PKD1L3: variants seen among roughly 807,000 people sequenced by gnomAD.
PKD1L3 encodes polycystin 1 like 3, transient receptor potential channel interacting.
In PKD1L3, 239 loss-of-function variants were observed where a neutral mutation model predicts 184.1. That is an observed-to-expected ratio of 1.30 (90% CI 1.17 to 1.45). The LOEUF (loss-of-function observed/expected upper bound fraction) is 1.45. Among genes scored for constraint, PKD1L3 ranks in the 40% most tolerant of loss-of-function variants. The pLI is 0.00. For synonymous variants in PKD1L3, 996 were observed against 778.8 expected (o/e 1.28, Z -4.64); for missense variants, 2,660 against 2,067.2 (o/e 1.29, Z -5.56).
At chr16:71,990,527 G>C (rs1490267267) in intron 3 of PKD1L3, among the ~76,000 whole-genome samples, 198 bp from the exon 4 acceptor site, 1 of 152,174 alleles carries the variant, frequency 6.6e-6, no homozygotes, top group African/African-American at 2.4e-5. Flanking sequence ...GAGGTCAGGA[G>C]TTTGAGACCA....
intron 11 of PKD1L3, among the ~76,000 whole-genome samples, chr16:71,976,320 A>C (rs1411182834): frequency 7.7e-6 from 1 of 130,692 alleles, no homozygotes; most frequent in African/African-American, 2.9e-5. Flanking sequence ...CAATGGTGCG[A>C]TCTTGGCTCA....
Position 71,969,904 on chromosome 16 carries a change from G to A in PKD1L3, c.2155C>T (p.Arg719Trp), listed in dbSNP as rs760499234. Residue 719 changes from arginine (R) to tryptophan (W), a missense_variant, in exon 13 of 30, where the codon CGG becomes TGG. Transcript: ENST00000620267. ...GFYVITVVWA[R>W]KKDQADMQKV... ...TGCATATCTGCTTGATCCTTTTTCCGAGCCCACACAACTGTGATCACATAA... is the reference window on the plus strand; with the variant it reads ...TGCATATCTGCTTGATCCTTTTTCCAAGCCCACACAACTGTGATCACATAA... 9.0e-6 allele frequency: 14 copies of A among 1,548,976 alleles called. No individual in the cohort carries two copies. The highest frequency in any genetic ancestry group is 2.0e-5 in the Admixed American group (1 of 50,636).
chr16:71,993,236 G>T lies in PKD1L3; in HGVS notation c.515C>A (p.Ala172Glu). ...HKKTKRGVAI[A>E]RDKMPPGPGH... ...ATTACCTGGGGGCATTTTGTCTCTT[G>T]CTATTGCAACTCCTCTTTTTGTCTT... The change falls in exon 3 of 30, where the codon GCA becomes GAA. Residue 172 changes from alanine to glutamate, a missense_variant. Transcript: ENST00000620267. 6.5e-7 allele frequency: 1 copy of T among 1,548,286 alleles called. No homozygotes were observed. The highest frequency in any genetic ancestry group is 8.7e-7 in the Non-Finnish European group (1 of 1,145,280).
intron 16 of PKD1L3, among the ~76,000 whole-genome samples, chr16:71,954,588 A>T (rs1431575579): frequency 1.3e-5 from 2 of 152,228 alleles, no homozygotes; most frequent in African/African-American, 4.8e-5. Context: ...TTTTAGCTTT[A>T]TAAGAGTTTT....
chr16:71,959,599 A>G (rs2039192855), intron 16 of PKD1L3, among the ~76,000 whole-genome samples: 1 of 152,176 alleles, frequency 6.6e-6, no homozygotes, highest in Non-Finnish European at 1.5e-5. Flanking sequence ...ATTGGGAGAG[A>G]GGTTACTCAA....
At chr16:71,982,672 C>G (rs564561063) in intron 6 of PKD1L3, among the ~76,000 whole-genome samples, 2 of 152,258 alleles carry the variant, frequency 1.3e-5, no homozygotes, top group East Asian at 3.9e-4. Context: ...TCATGCCTCA[C>G]TGCAGCCTCG....
intron 11 of PKD1L3, among the ~76,000 whole-genome samples, chr16:71,974,464 G>A (rs762746893): frequency 1.4e-4 from 22 of 152,116 alleles, no homozygotes; most frequent in Non-Finnish European, 2.8e-4. Context: ...AGGATTATTT[G>A]AGCCCAGGAG....
chr16:71,951,681 G>T lies in PKD1L3; in HGVS notation c.3073C>A (p.Gln1025Lys), dbSNP rs1486554143. Residue 1025 changes from glutamine (Q) to lysine (K), a missense_variant, in exon 19 of 30, where the codon CAG becomes AAG. Coordinates refer to ENST00000620267, the MANE Select transcript of PKD1L3 (RefSeq NM_181536.2). ...RNTYLLSKCE[Q>K]PPWSSWDITK... is the part of the protein sequence containing the mutation. ...ATGTCCCAAGAACTCCATGGCGGCT[G>T]CTCACACTTGGAGAGTAGGTATGTA... 6.4e-7 allele frequency: 1 copy of T among 1,551,512 alleles called. No individual in the cohort carries two copies. Among genetic ancestry groups the T allele is most frequent in the Non-Finnish European group, 8.7e-7 (1 of 1,146,924 alleles).
chr16:71,947,347 G>A (rs1035423193), intron 22 of PKD1L3, 145 bp downstream of exon 22: 4 of 604,314 alleles, frequency 6.6e-6, no homozygotes, highest in African/African-American at 1.8e-5. Flanking sequence ...CATCTGGAAG[G>A]GCATTAGTCT....
At chr16:71,964,714 T>C (rs958374308) in intron 15 of PKD1L3, among the ~76,000 whole-genome samples, 1 of 152,004 alleles carries the variant, frequency 6.6e-6, no homozygotes, top group African/African-American at 2.4e-5. Context: ...CTATCCCTCC[T>C]TCCAGTCACC....
intron 21 of PKD1L3, among the ~76,000 whole-genome samples, chr16:71,948,971 A>G (rs1350009308): frequency 6.6e-6 from 1 of 152,034 alleles, no homozygotes; most frequent in Non-Finnish European, 1.5e-5. Context: ...TTCCATATCT[A>G]AAAGATACAG....
chr16:71,997,218 C>T (rs77445015), intron 2 of PKD1L3, among the ~76,000 whole-genome samples: 5,990 of 152,094 alleles, frequency 0.039, 365 homozygotes, highest in African/African-American at 0.14. Flanking sequence ...CATAGTTTTA[C>T]GTGAGCACAG....
At chr16:71,979,469 G>A (rs139987970) in intron 9 of PKD1L3, among the ~76,000 whole-genome samples, 81 of 121,348 alleles carry the variant, frequency 6.7e-4, no homozygotes, top group South Asian at 1.1e-3. Flanking sequence ...AACAAAACAA[G>A]ACAAAACAAA....
At chr16:71,998,736 C>T (rs574495521) in intron 1 of PKD1L3, among the ~76,000 whole-genome samples, 2 of 152,082 alleles carry the variant, frequency 1.3e-5, no homozygotes, top group Admixed American at 6.5e-5. Context: ...CAGGCGTGAG[C>T]CACCACACCC....
intron 6 of PKD1L3, among the ~76,000 whole-genome samples, chr16:71,983,025 G>A (rs767705289): frequency 2.0e-5 from 3 of 152,198 alleles, no homozygotes; most frequent in Non-Finnish European, 4.4e-5. Context: ...ACCTATAAGG[G>A]AGGATTCATA....
rs755724900 is a variant in PKD1L3 at position 71,942,747 on chromosome 16, G to T, written c.4137C>A (p.Asp1379Glu). 6.4e-7 allele frequency: 1 copy of T among 1,551,510 alleles called. No homozygotes were observed. The highest frequency in any genetic ancestry group is 1.4e-5 in the African/African-American group (1 of 73,010). The change falls in exon 24 of 30, where the codon GAC becomes GAA. Residue 1379 changes from aspartate to glutamate, a missense_variant. Physicochemically the swap from Asp to Glu is conservative, Grantham distance 45. Coordinates refer to ENST00000620267, the MANE Select transcript of PKD1L3 (RefSeq NM_181536.2). ...TATCACAAAACGCCAGCTGACCTTC[G>T]TCCACTTTCTCATAGGTCTTGGTAC... ...IPRTKTYEKV[D>E]EGQLAFCDNG...
intron 11 of PKD1L3, among the ~76,000 whole-genome samples, chr16:71,976,171 C>G (rs1052592944): frequency 2.6e-5 from 4 of 151,424 alleles, no homozygotes; most frequent in African/African-American, 9.7e-5. Context: ...TAGTCTTAAA[C>G]TCCTGACCTA....
intron 26 of PKD1L3, 73 bp from the exon 27 acceptor site, chr16:71,934,198 C>A (rs939804258): frequency 4.9e-6 from 7 of 1,415,600 alleles, no homozygotes; most frequent in African/African-American, 1.4e-5. Context: ...AGCGCCCCTG[C>A]TGCTGATCGT....
At chr16:71,951,166 C>T (rs1452430528) in intron 19 of PKD1L3, among the ~76,000 whole-genome samples, 5 of 151,710 alleles carry the variant, frequency 3.3e-5, no homozygotes, top group Non-Finnish European at 7.4e-5. Context: ...CAGCCTCCCC[C>T]GTAGCTGGGA....
Sources: allele counts gnomAD v4.1 joint callset (sites outside exome capture counted in the v4.1 genomes callset), GRCh38; gene constraint gnomAD v4.1.1; transcripts MANE v1.5; gene names NCBI Gene and HGNC (gene_info 2026-07-23, HGNC 2026-07-21).